The following SLC6A6 variants were observed in gnomAD, a reference collection of about 807,000 sequenced individuals.
The protein encoded by SLC6A6 is sodium- and chloride-dependent taurine transporter.
Under a neutral mutation model 68.8 loss-of-function variants are expected in SLC6A6, and 16 were observed. That is an observed-to-expected ratio of 0.23 (90% CI 0.16 to 0.35). SLC6A6 has a LOEUF of 0.35. Among genes scored for constraint, SLC6A6 ranks in the 10% least tolerant of loss-of-function variants. The pLI is 1.00. For missense variants in SLC6A6, 474 were observed against 802.8 expected, an observed-to-expected ratio of 0.59 and a Z score of 4.95; for synonymous variants, 312 against 315.4, an observed-to-expected ratio of 0.99 and a Z score of 0.12.
intron 1 of SLC6A6, among the ~76,000 whole-genome samples, chr3:14,407,864 G>T (rs1040496184): frequency 2.0e-5 from 3 of 152,016 alleles, no homozygotes; most frequent in Non-Finnish European, 4.4e-5. Context: ...TCATATAAAT[G>T]GACTTATTTA....
chr3:14,404,589 T>G (rs1231147428), intron 1 of SLC6A6, among the ~76,000 whole-genome samples: 1 of 152,212 alleles, frequency 6.6e-6, no homozygotes, highest in Non-Finnish European at 1.5e-5. Flanking sequence ...GGGAACTGAT[T>G]TAAGTCCTAT....
At chr3:14,437,808 TTTA>T (rs988056070) in intron 2 of SLC6A6, among the ~76,000 whole-genome samples, 5 of 151,112 alleles carry the variant, frequency 3.3e-5, no homozygotes, top group African/African-American at 7.3e-5. Context: ...TATTTATTTA[TTTA>T]TTATTTTATT....
chr3:14,441,647 G>C (rs908246359), intron 2 of SLC6A6, among the ~76,000 whole-genome samples: 1 of 152,238 alleles, frequency 6.6e-6, no homozygotes, highest in Non-Finnish European at 1.5e-5. Context: ...TGTTCCTCGA[G>C]CACAGCCCCT....
At chr3:14,457,514 A>C (rs987957142) in intron 5 of SLC6A6, among the ~76,000 whole-genome samples, 38 of 152,254 alleles carry the variant, frequency 2.5e-4, no homozygotes, top group African/African-American at 9.2e-4. Flanking sequence ...TTTATAGACG[A>C]GGAGCCAGAG....
intron 10 of SLC6A6, among the ~76,000 whole-genome samples, chr3:14,473,982 G>A (rs895743303): frequency 1.3e-5 from 2 of 152,316 alleles, no homozygotes; most frequent in East Asian, 1.9e-4. Flanking sequence ...TGGAGGACAC[G>A]CATCTCTCAG....
At position 14,449,892 on chromosome 3, in the gene SLC6A6, C is replaced by G. The variant is rs531074413; in HGVS notation, c.599+2076C>G. Among the ~76,000 whole-genome samples the G allele has an allele frequency of 2.0e-5, 3 of 152,276 alleles. No individual in the cohort carries two copies. In the East Asian group the frequency reaches 5.8e-4, roughly 29 times the overall value. On this transcript the variant is annotated intron_variant, in intron 5 of 14. Transcript: ENST00000622186. ...TCAGCCTCCCAAGTAGCTGGGATTA[C>G]AGGAACACACCACTATGTCCAGCTA... is the stretch of plus-strand genomic sequence containing the variant.
chr3:14,482,063 G>A (rs555138227), intron 14 of SLC6A6, among the ~76,000 whole-genome samples: 14 of 152,340 alleles, frequency 9.2e-5, no homozygotes, highest in Admixed American at 4.6e-4. Context: ...ATTGGAAGCC[G>A]GGCTGTGGGG....
chr3:14,417,901 G>T (rs997753286), intron 2 of SLC6A6, among the ~76,000 whole-genome samples: 1 of 151,912 alleles, frequency 6.6e-6, no homozygotes, highest in African/African-American at 2.4e-5. Context: ...TTTAGTTCAG[G>T]ATCGTCATTA....
At chr3:14,478,215 G>T (rs771169767) in intron 11 of SLC6A6, among the ~76,000 whole-genome samples, 6 of 152,206 alleles carry the variant, frequency 3.9e-5, no homozygotes, top group Non-Finnish European at 8.8e-5. Flanking sequence ...CACTTGGTGT[G>T]AAGCACCTCC....
intron 2 of SLC6A6, among the ~76,000 whole-genome samples, chr3:14,442,199 A>G (rs574703554): frequency 2.6e-5 from 4 of 152,192 alleles, no homozygotes; most frequent in East Asian, 3.9e-4. Context: ...CAACCTTCCA[A>G]TTTTTCAAGA....
chr3:14,444,138 A>G (rs1574937422), intron 3 of SLC6A6: 2 of 397,866 alleles, frequency 5.0e-6, no homozygotes, highest in South Asian at 3.5e-5. Context: ...GCCACCTCCA[A>G]AGAGGCAGGA....
Position 14,477,295 on chromosome 3 carries a change from T to G in SLC6A6, c.1300T>G (p.Phe434Val). The change falls in exon 11 of 15, where the codon TTC (phenylalanine) becomes GTC (valine). Residue 434 changes from phenylalanine (F) to valine (V), a missense_variant. Physicochemically the swap from Phe to Val is conservative, Grantham distance 50. Transcript: ENST00000622186. This position sits in a 1 kb window ranked among gnomAD's most constrained non-coding sequence, Gnocchi z 4.2. Reference sequence around the variant, plus strand: ...TTATCGTCGGGAAATCTTCATCGCCTTCGTGTGTAGCATCAGCTACCTGCT... The same window carrying G: ...TTATCGTCGGGAAATCTTCATCGCCGTCGTGTGTAGCATCAGCTACCTGCT... ...KGYRREIFIA[F>V]VCSISYLLGL... The G allele has an allele frequency of 6.2e-7, 1 of 1,614,084 alleles. No homozygotes were observed. Among genetic ancestry groups the G allele is most frequent in the Non-Finnish European group, 8.5e-7 (1 of 1,179,896 alleles).
chr3:14,477,113 C>A lies in SLC6A6; in HGVS notation c.1210-92C>A. On this transcript the variant is annotated intron_variant, in intron 10 of 14. Transcript: ENST00000622186. This position sits in a 1 kb window ranked among gnomAD's most constrained non-coding sequence, Gnocchi z 4.2. ...ACAAGGATGGTCACGTCTGCTCCTG[C>A]ATTGTGTGTTCCTGGGCCCTTCCCT... is the stretch of plus-strand genomic sequence containing the variant. The A allele has an allele frequency of 8.4e-7, 1 of 1,197,194 alleles. No individual in the cohort carries two copies. Among genetic ancestry groups the A allele is most frequent in the Non-Finnish European group, 1.2e-6 (1 of 823,752 alleles). The allele number at this position is 1,197,194 out of a possible 1,614,324, so 74.2% of individuals were successfully genotyped here.
At chr3:14,443,899 G>C in intron 3 of SLC6A6, 36 bp downstream of exon 3, 2 of 1,448,680 alleles carry the variant, frequency 1.4e-6, no homozygotes, top group Non-Finnish European at 9.7e-7. Flanking sequence ...AGCCCATCCA[G>C]TACAAAGCCG....
At chr3:14,446,259 G>A (rs771125561) in intron 4 of SLC6A6, among the ~76,000 whole-genome samples, 1 of 152,228 alleles carries the variant, frequency 6.6e-6, no homozygotes, top group African/African-American at 2.4e-5. Context: ...TATGGCCTTT[G>A]CAGCAACGTG....
Position 14,484,961 on chromosome 3 carries a change from G to C in SLC6A6, c.1817G>C (p.Gly606Ala). 1.2e-6 allele frequency: 2 copies of C among 1,613,220 alleles called. No individual in the cohort carries two copies. The highest frequency in any genetic ancestry group is 1.7e-6 in the Non-Finnish European group (2 of 1,179,906). Residue 606 changes from glycine to alanine, a missense_variant, in exon 15 of 15, where the codon GGC becomes GCC. Around this residue, in one of 2 missense-constraint regions of SLC6A6, gnomAD observed 194 missense variants for 269.8 expected, o/e 0.72. Coordinates refer to ENST00000622186, the MANE Select transcript of SLC6A6 (RefSeq NM_003043.6). Reference sequence around the variant, plus strand: ...TACAACTCTCGCACCGTCATGAACGGCGCTCTCGTGAAACCGACCCACATC... The same window carrying C: ...TACAACTCTCGCACCGTCATGAACGCCGCTCTCGTGAAACCGACCCACATC... ...TPYNSRTVMN[G>A]ALVKPTHIIV...
chr3:14,475,630 T>C (rs1156734263), intron 10 of SLC6A6, among the ~76,000 whole-genome samples: 2 of 152,058 alleles, frequency 1.3e-5, no homozygotes, highest in Non-Finnish European at 2.9e-5. Flanking sequence ...AACTGAGAAA[T>C]GGGGGTTTGT....
At chr3:14,459,946 G>A (rs1455549768) in intron 6 of SLC6A6, among the ~76,000 whole-genome samples, 2 of 142,518 alleles carry the variant, frequency 1.4e-5, no homozygotes, top group Admixed American at 1.6e-4. Flanking sequence ...TGCCCAGGCT[G>A]AAATGCAGTG....
chr3:14,414,892 A>G (rs771385314), intron 1 of SLC6A6, among the ~76,000 whole-genome samples: 27 of 152,334 alleles, frequency 1.8e-4, no homozygotes, highest in Non-Finnish European at 3.2e-4. Context: ...GTTTTGCCCT[A>G]TGCAGAATTA....
Sources: allele counts gnomAD v4.1 joint callset (sites outside exome capture counted in the v4.1 genomes callset), GRCh38; gene constraint gnomAD v4.1.1; regional missense constraint gnomAD v4.1.1; non-coding constraint Gnocchi (gnomAD v3.1); transcripts MANE v1.5; gene names NCBI Gene and HGNC (gene_info 2026-07-23, HGNC 2026-07-21).